Variants in ATP5MK observed in about 807,000 individuals in gnomAD.
ATP5MK encodes ATP synthase membrane subunit k, also known as ATP synthase F(0) complex subunit k, mitochondrial.
ATP5MK carries 5 observed loss-of-function variants against 6.6 expected under a neutral mutation model. The ratio of observed to expected loss-of-function variants is 0.76; its 90% CI spans 0.40 to 1.60. The LOEUF (loss-of-function observed/expected upper bound fraction) is 1.60. Among genes scored for constraint, ATP5MK ranks in the 40% most tolerant of loss-of-function variants. The pLI, the probability that ATP5MK is intolerant of heterozygous loss-of-function variation, is 0.02. For missense variants in ATP5MK, 57 were observed against 66.6 expected (o/e 0.86, Z 0.50); for synonymous variants, 30 against 24.5 (o/e 1.22, Z -0.66).
chr10:103,394,781 G>T (rs1564750203), intron 2 of ATP5MK, among the ~76,000 whole-genome samples: 2 of 120,200 alleles, frequency 1.7e-5, no homozygotes, highest in African/African-American at 6.8e-5. Flanking sequence ...TTCATTTCAT[G>T]ATACATTTTT....
In ATP5MK at chr10:103,395,146, T is replaced by C. The variant is rs118060510; in HGVS notation, c.-10+600A>G. On this transcript the variant is annotated intron_variant, in intron 2 of 4. Transcript: ENST00000369815. ...AACGGGATTGTTGCTGGTGAGATAATGGAGTAAGGTCGAAAAATTTGGTTC... is the reference window on the plus strand; with the variant it reads ...AACGGGATTGTTGCTGGTGAGATAACGGAGTAAGGTCGAAAAATTTGGTTC... Among the ~76,000 whole-genome samples, 588 of 152,220 alleles carry C rather than the reference T, an allele frequency of 3.9e-3. 1 individual carries two copies. Among genetic ancestry groups the C allele is most frequent in the Non-Finnish European group, 6.4e-3 (436 of 68,014 alleles).
At chr10:103,389,197 A>T (rs975730591) in intron 4 of ATP5MK, 31 bp from the exon 5 acceptor site, 1 of 152,314 alleles carries the variant, frequency 6.6e-6, no homozygotes, top group African/African-American at 2.4e-5. Context: ...TTAGATACAA[A>T]TGTGGCCAGC....
In ATP5MK at chr10:103,389,118, G is replaced by A. The variant is rs2133641787; in HGVS notation, c.*52C>T. ...GATGAGTTGGCATTAGCTTCTCCAG[G>A]CATGGGAACTTAACAGATGAGGTTA... On this transcript the variant is annotated 3_prime_UTR_variant, in exon 5 of 5. Coordinates refer to ENST00000369815, the MANE Select transcript of ATP5MK (RefSeq NM_001206427.2). 6.6e-6 allele frequency: 1 copy of A among 152,598 alleles called. No individual in the cohort carries two copies. The allele number at this position is 152,598 out of a possible 1,614,324, so 9.5% of individuals were successfully genotyped here.
At chr10:103,390,197 T>G (rs182108735) in intron 4 of ATP5MK, among the ~76,000 whole-genome samples, 109 of 152,240 alleles carry the variant, frequency 7.2e-4, no homozygotes, top group Non-Finnish European at 1.4e-3. Flanking sequence ...GAAAAGCTCT[T>G]AAGCATAGAA....
intron 3 of ATP5MK, 33 bp downstream of exon 3, chr10:103,392,338 A>G (rs1416111121): frequency 6.3e-7 from 1 of 1,593,426 alleles, no homozygotes; most frequent in Non-Finnish European, 8.5e-7. Context: ...ATATTATTTT[A>G]AAATATAACT....
chr10:103,391,863 T>C (rs2093415506), intron 4 of ATP5MK, among the ~76,000 whole-genome samples: 1 of 152,166 alleles, frequency 6.6e-6, no homozygotes. Context: ...TGGAATGCAG[T>C]GGCGTGATCT....
intron 4 of ATP5MK, among the ~76,000 whole-genome samples, chr10:103,389,991 C>CA (rs1210136408): frequency 6.6e-6 from 1 of 152,166 alleles, no homozygotes; most frequent in Non-Finnish European, 1.5e-5. Context: ...CTCAGCCTCC[C>CA]AAAGTGCTGG....
intron 4 of ATP5MK, among the ~76,000 whole-genome samples, chr10:103,391,929 T>TAA (rs2093415729): frequency 1.3e-5 from 2 of 152,122 alleles, no homozygotes; most frequent in South Asian, 4.2e-4. Flanking sequence ...CCCTGGCTAA[T>TAA]TTTTGTTTTT....
chr10:103,389,184 A>G lies in ATP5MK; in HGVS notation c.*4-18T>C, dbSNP rs1227566280. On this transcript the variant is annotated intron_variant, in intron 4 of 4. Transcript: ENST00000369815. ...TTAAAATCCTATAAACAAAGCAAACAGTTTAGATACAAATGTGGCCAGCTT... is the reference window on the plus strand; with the variant it reads ...TTAAAATCCTATAAACAAAGCAAACGGTTTAGATACAAATGTGGCCAGCTT... 1 of 152,418 alleles carries G rather than the reference A, an allele frequency of 6.6e-6. No individual in the cohort carries two copies. The highest frequency in any genetic ancestry group is 2.4e-5 in the African/African-American group (1 of 41,456). The allele number at this position is 152,418 out of a possible 1,614,324, so 9.4% of individuals were successfully genotyped here.
chr10:103,392,127 T>A, intron 4 of ATP5MK, 64 bp downstream of exon 4: 1 of 1,449,210 alleles, frequency 6.9e-7, no homozygotes, highest in Non-Finnish European at 9.4e-7. Flanking sequence ...TTATACTAAA[T>A]GTTAGGGAAA....
intron 4 of ATP5MK, among the ~76,000 whole-genome samples, chr10:103,389,750 G>A (rs1313759375): frequency 6.6e-6 from 1 of 150,854 alleles, no homozygotes; most frequent in Non-Finnish European, 1.5e-5. Context: ...TTTTTGTTCG[G>A]AGACACAGTC....
At chr10:103,392,525 T>C in intron 2 of ATP5MK, 59 bp from the exon 3 acceptor site, 1 of 1,362,908 alleles carries the variant, frequency 7.3e-7, no homozygotes, top group South Asian at 1.3e-5. Flanking sequence ...TAAAAGTAAA[T>C]AAATTTTGTC....
intron 2 of ATP5MK, among the ~76,000 whole-genome samples, chr10:103,395,540 T>C (rs1252287196): frequency 6.6e-6 from 1 of 151,898 alleles, no homozygotes; most frequent in Non-Finnish European, 1.5e-5. Context: ...TCAGGTGATC[T>C]ACCCGCCTCG....
Position 103,392,399 on chromosome 10 carries a change from T to A in ATP5MK, c.59A>T (p.Asn20Ile). Residue 20 changes from asparagine (N) to isoleucine (I), a missense_variant, in exon 3 of 5, where the codon AAC (asparagine) becomes ATC (isoleucine). Physicochemically the swap from Asn to Ile is moderately radical, Grantham distance 149. Coordinates refer to ENST00000369815, the MANE Select transcript of ATP5MK (RefSeq NM_001206427.2). ...CATTCTACCTGTGAGAGTATAAGAG[T>A]TGAAATATTTTTTAATACCAGTGAA... ...YQFTGIKKYF[N>I]SYTLTGRMNC... 6.2e-7 allele frequency: 1 copy of A among 1,607,902 alleles called. No homozygotes were observed. Among genetic ancestry groups the A allele is most frequent in the Non-Finnish European group, 8.5e-7 (1 of 1,178,126 alleles).
At chr10:103,392,609 G>C (rs1054829132) in intron 2 of ATP5MK, 143 bp from the exon 3 acceptor site, 5 of 617,802 alleles carry the variant, frequency 8.1e-6, no homozygotes, top group Non-Finnish European at 1.1e-5. Context: ...ACCCAACACA[G>C]TAGTAGCAAA....
In ATP5MK at chr10:103,396,425, T is replaced by A. The variant is rs1375896462; in HGVS notation, c.-313A>T. 3.3e-5 allele frequency: 5 copies of A among 152,314 alleles called. No individual in the cohort carries two copies. The highest frequency in any genetic ancestry group is 3.3e-4 in the Admixed American group (5 of 15,290). 9.4% of individuals were successfully genotyped at this position (152,314 alleles called of 1,614,324 possible). On this transcript the variant is annotated 5_prime_UTR_variant, in exon 1 of 5. Coordinates refer to ENST00000369815, the MANE Select transcript of ATP5MK (RefSeq NM_001206427.2). Reference sequence around the variant, plus strand: ...TTCACCCACCTGCCAAAGCCGCAAATTCCGCAGCTGGTGTCCTTCAACGAA... The same window carrying A: ...TTCACCCACCTGCCAAAGCCGCAAAATCCGCAGCTGGTGTCCTTCAACGAA...
chr10:103,391,066 CAT>C (rs2093413189), intron 4 of ATP5MK, among the ~76,000 whole-genome samples: 1 of 152,086 alleles, frequency 6.6e-6, no homozygotes, highest in Non-Finnish European at 1.5e-5. Context: ...TAAATAAAAA[CAT>C]GTATAGAATG....
At chr10:103,393,141 C>CA (rs1394572762) in intron 2 of ATP5MK, among the ~76,000 whole-genome samples, 18 of 150,684 alleles carry the variant, frequency 1.2e-4, no homozygotes, top group East Asian at 5.8e-4. Flanking sequence ...AGCCAAAAAC[C>CA]AAAAAAAACA....
chr10:103,393,575 G>A (rs531633874), intron 2 of ATP5MK, among the ~76,000 whole-genome samples: 8 of 146,644 alleles, frequency 5.5e-5, no homozygotes, highest in African/African-American at 1.8e-4. Flanking sequence ...GCGAGACGCC[G>A]TCTCAAAAAA....
Sources: gnomAD v4.1 joint callset for allele counts (sites outside exome capture counted in the v4.1 genomes callset) on GRCh38, gnomAD v4.1.1 for gene constraint, MANE v1.5 for transcripts, NCBI Gene and HGNC (gene_info 2026-07-23, HGNC 2026-07-21) for gene names.